Variants in GATA4 observed in about 807,000 individuals in gnomAD.
GATA4 encodes the protein GATA binding protein 4, also known as transcription factor GATA-4.
A neutral mutation model predicts 37.9 loss-of-function variants in GATA4; 7 were observed. The observed-to-expected ratio is 0.18, with a 90% CI of 0.11 to 0.35. The LOEUF is 0.35. GATA4 is among the 10% of genes least tolerant of loss of function. The pLI is 1.00. For synonymous variants in GATA4, 372 were observed against 292.6 expected (o/e 1.27, Z -2.77); for missense variants, 647 against 653.0 (o/e 0.99, Z 0.10).
At position 11,759,412 on chromosome 8, in the gene GATA4, CA is replaced by C. The variant is rs892563848; in HGVS notation, c.*938del. On this transcript the variant is annotated 3_prime_UTR_variant, in exon 7 of 7. Transcript: ENST00000532059. ...GAGTGTAAGTGGACAGAGTCCTGGT[CA>C]GGGGGCAGGAGTGTCCCAAGGGCTG... 1 of 152,546 alleles carries C rather than the reference CA, an allele frequency of 6.6e-6. No individual in the cohort carries two copies. Among genetic ancestry groups the C allele is most frequent in the African/African-American group, 2.4e-5 (1 of 41,470 alleles). The allele number at this position is 152,546 out of a possible 1,614,324, so 9.4% of individuals were successfully genotyped here. A position where few individuals can be genotyped will look rare whatever the true frequency, so the allele number is the denominator to read the frequency against.
chr8:11,690,799 AATTGGAGGCTCTAGTGAACTATG>A (rs1799286804), upstream of GATA4, among the ~76,000 whole-genome samples: 1 of 152,190 alleles, frequency 6.6e-6, no homozygotes, highest in South Asian at 2.1e-4. Flanking sequence ...TGAGCCCAGG[AATTGGAGGCTCTAGTGAACTATG>A]ATTGCACTAC....
Position 11,681,492 on chromosome 8 carries a change from CG to C in GATA4, c.-274+4445del, listed in dbSNP as rs202218053. On this transcript the variant is annotated intron_variant, in intron 1 of 6. Coordinates refer to the GATA4 transcript ENST00000528712. ...GTCCCCGCGCGGGGTGCGGCGCTCG[CG>C]GGGGGGGGGGGGGGGATGGGGTCGG... 5.2e-5 allele frequency: 48 copies of C among 929,206 alleles called. No individual in the cohort carries two copies. The African/African-American group carries it at 1.0e-3, about 19-fold the overall frequency. The allele number at this position is 929,206 out of a possible 1,614,324, so 57.6% of individuals were successfully genotyped here.
At chr8:11,755,778 C>T (rs1802528629) in intron 5 of GATA4, among the ~76,000 whole-genome samples, 1 of 151,742 alleles carries the variant, frequency 6.6e-6, no homozygotes, top group Admixed American at 6.6e-5. Context: ...GGTCAATGTT[C>T]TCTTCAATAT....
chr8:11,729,223 T>G (rs948183962), intron 2 of GATA4, among the ~76,000 whole-genome samples: 8 of 148,914 alleles, frequency 5.4e-5, no homozygotes, highest in African/African-American at 1.7e-4. Flanking sequence ...AAAAAAAAGA[T>G]CTAGCTGAGG....
At chr8:11,717,772 G>C (rs1022727077) in intron 2 of GATA4, among the ~76,000 whole-genome samples, 1 of 152,136 alleles carries the variant, frequency 6.6e-6, no homozygotes. Context: ...GAGCAATGTC[G>C]TCCTACGGAA....
chr8:11,678,057 T>TAATAAA (rs1292640882), intron 1 of GATA4, among the ~76,000 whole-genome samples: 7 of 126,464 alleles, frequency 5.5e-5, no homozygotes, highest in Middle Eastern at 4.1e-3. Context: ...ATAATAATAA[T>TAATAAA]AAATAGGAGT....
chr8:11,692,831 CG>C, intron 1 of GATA4: 2 of 981,556 alleles, frequency 2.0e-6, no homozygotes, highest in Non-Finnish European at 1.2e-6. Flanking sequence ...CGGGCAGAGG[CG>C]GGGGCGGCCG....
At chr8:11,736,713 GAAGA>G (rs1403415628) in intron 2 of GATA4, among the ~76,000 whole-genome samples, 1 of 152,172 alleles carries the variant, frequency 6.6e-6, no homozygotes, top group Non-Finnish European at 1.5e-5. Context: ...GATTTTCTTT[GAAGA>G]AAGAGTTCTG....
At chr8:11,719,896 A>G (rs1800593471) in intron 2 of GATA4, among the ~76,000 whole-genome samples, 1 of 152,246 alleles carries the variant, frequency 6.6e-6, no homozygotes, top group South Asian at 2.1e-4. Flanking sequence ...ATTTATAGCC[A>G]CTTTAAAACT....
chr8:11,694,688 A>T (rs1799452612), intron 1 of GATA4: 1 of 198,524 alleles, frequency 5.0e-6, no homozygotes, highest in South Asian at 1.8e-4. Flanking sequence ...TGGATTTTAA[A>T]TTCAAATTCA....
At chr8:11,693,014 G>A (rs1224563955) in intron 1 of GATA4, 1 of 985,352 alleles carries the variant, frequency 1.0e-6, no homozygotes, top group Non-Finnish European at 1.2e-6. Flanking sequence ...GCCGCGCACC[G>A]AGGCTTCTGC....
chr8:11,683,504 C>CCAACG (rs1487452736), intron 1 of GATA4, among the ~76,000 whole-genome samples: 4 of 152,148 alleles, frequency 2.6e-5, no homozygotes, highest in African/African-American at 9.7e-5. Context: ...GGGCGCGGTT[C>CCAACG]GATTCCAACT....
Position 11,708,847 on chromosome 8 carries a change from G to A in GATA4, c.535G>A (p.Ala179Thr). Reference sequence around the variant, plus strand: ...CGCGTCCTGGGCCGCAGCCGCCGCCGCCTCCGCCGGCCCCTTCGACAGCCC... The same window carrying A: ...CGCGTCCTGGGCCGCAGCCGCCGCCACCTCCGCCGGCCCCTTCGACAGCCC... ...VGASWAAAAA[A>T]SAGPFDSPVL... Residue 179 changes from alanine (A) to threonine (T), a missense_variant, in exon 2 of 7, where the codon GCC becomes ACC. Coordinates refer to ENST00000532059, the MANE Select transcript of GATA4 (RefSeq NM_001308093.3). The surrounding 1 kb of genome is among the most constrained non-coding windows in gnomAD (Gnocchi z 6.7). The A allele has an allele frequency of 2.0e-6, 3 of 1,498,048 alleles. No individual in the cohort carries two copies. The highest frequency in any genetic ancestry group is 1.8e-6 in the Non-Finnish European group (2 of 1,131,504). 92.8% of individuals were successfully genotyped at this position (1,498,048 alleles called of 1,614,324 possible). A position where few individuals can be genotyped will look rare whatever the true frequency, so the allele number is the denominator to read the frequency against.
upstream of GATA4, among the ~76,000 whole-genome samples, chr8:11,690,447 GTATA>G (rs1799274176): frequency 6.6e-6 from 1 of 152,118 alleles, no homozygotes; most frequent in Admixed American, 6.5e-5. Flanking sequence ...GGAGAGAGAG[GTATA>G]TAGAGAGGCA....
At position 11,759,987 on chromosome 8, in the gene GATA4, T is replaced by C. The variant is rs1446292709; in HGVS notation, c.*1512T>C. ...AATCAGTATTTAACTAATAAATTTA[T>C]CTGTATTCCTCTTTCCCTCGTCCCT... On this transcript the variant is annotated 3_prime_UTR_variant, in exon 7 of 7. Transcript: ENST00000532059. The C allele has an allele frequency of 1.3e-5, 2 of 152,682 alleles. No individual in the cohort carries two copies. Among genetic ancestry groups the C allele is most frequent in the Non-Finnish European group, 2.9e-5 (2 of 68,054 alleles). 9.5% of individuals were successfully genotyped at this position (152,682 alleles called of 1,614,324 possible).
Position 11,747,719 on chromosome 8 carries a change from G to A in GATA4, c.617-1197G>A, listed in dbSNP as rs1034698070. Among the ~76,000 whole-genome samples, 11 of 152,280 alleles carry A rather than the reference G, an allele frequency of 7.2e-5. No homozygotes were observed. In the East Asian group the frequency reaches 1.9e-3, roughly 27 times the overall value. On this transcript the variant is annotated intron_variant, in intron 2 of 6. Coordinates refer to ENST00000532059, the MANE Select transcript of GATA4 (RefSeq NM_001308093.3). ...TGCACAGACTTAAGTAAGGAGCAGT[G>A]TTTATGAAACAAGAATCCAAAACTG...
intron 1 of GATA4, among the ~76,000 whole-genome samples, chr8:11,685,121 C>G (rs1277364448): frequency 6.6e-6 from 1 of 152,166 alleles, no homozygotes; most frequent in Non-Finnish European, 1.5e-5. Flanking sequence ...CAGAAAATAA[C>G]CTAAACTCTA....
At chr8:11,721,900 G>C (rs1409661310) in intron 2 of GATA4, among the ~76,000 whole-genome samples, 4 of 152,234 alleles carry the variant, frequency 2.6e-5, no homozygotes, top group African/African-American at 9.6e-5. Context: ...AGGAGGTGTA[G>C]AGGTGAAGAG....
At chr8:11,706,050 T>C (rs1230529614) in intron 1 of GATA4, 1 of 152,244 alleles carries the variant, frequency 6.6e-6, no homozygotes, top group Non-Finnish European at 1.5e-5. Flanking sequence ...CCATAATTCT[T>C]TAACTTTATT....
Sources: allele counts gnomAD v4.1 joint callset (sites outside exome capture counted in the v4.1 genomes callset), GRCh38; gene constraint gnomAD v4.1.1; non-coding constraint Gnocchi (gnomAD v3.1); transcripts MANE v1.5; gene names NCBI Gene and HGNC (gene_info 2026-07-23, HGNC 2026-07-21).